The following AGL variants were observed in gnomAD, a reference collection of about 807,000 sequenced individuals.
The protein encoded by AGL is amylo-alpha-1,6-glucosidase and 4-alpha-glucanotransferase.
In AGL, 128 loss-of-function variants were observed where a neutral mutation model predicts 199.3. The observed-to-expected ratio is 0.64, with a 90% confidence interval of 0.56 to 0.74. The LOEUF is 0.74. Among genes scored for constraint, AGL ranks in the 30% least tolerant of loss-of-function variants. The probability of loss-of-function intolerance (pLI) is 0.00; values close to 1 mark genes in which losing one functional copy is unlikely to be tolerated. For synonymous variants in AGL, 584 were observed against 594.7 expected (o/e 0.98, Z 0.26); for missense variants, 1,809 against 1,820.8 (o/e 0.99, Z 0.12).
intron 20 of AGL, among the ~76,000 whole-genome samples, chr1:99,887,200 A>G (rs486408): frequency 0.68 from 103,012 of 152,078 alleles, 35,003 homozygotes; most frequent in South Asian, 0.75. Flanking sequence ...CACATAAAAT[A>G]GCAGTCATGT....
At chr1:99,907,702 G>GTTTTTTTTTTTTTTT (rs1654421426) in intron 27 of AGL, among the ~76,000 whole-genome samples, 1 of 42,794 alleles carries the variant, frequency 2.3e-5, no homozygotes. Flanking sequence ...TGTTTTTTTT[G>GTTTTTTTTTTTTTTT]CTAGTAGCCA....
intron 22 of AGL, 60 bp downstream of exon 22, chr1:99,891,416 G>C: frequency 1.9e-6 from 3 of 1,568,820 alleles, no homozygotes; most frequent in South Asian, 1.1e-5. Context: ...ATATTACCAT[G>C]TTATATATAA....
At chr1:99,885,179 A>G (rs1330535630) in intron 20 of AGL, among the ~76,000 whole-genome samples, 1 of 152,124 alleles carries the variant, frequency 6.6e-6, no homozygotes, top group Non-Finnish European at 1.5e-5. Flanking sequence ...ATCCTTAGTT[A>G]TTCCCTTTCT....
At chr1:99,895,098 G>T (rs555297324) in intron 24 of AGL, among the ~76,000 whole-genome samples, 12 of 152,044 alleles carry the variant, frequency 7.9e-5, no homozygotes, top group Non-Finnish European at 1.6e-4. Context: ...GCCCAGGCTG[G>T]AGTACAATAG....
In AGL at chr1:99,870,593, C is replaced by T; in HGVS notation, c.846+12C>T. ...ATCACCATATGAATGTCAGTATGTA[C>T]AGAGGAGTATCACACTAAAACAGAA... On this transcript the variant is annotated intron_variant, in intron 6 of 33. Coordinates refer to ENST00000361915, the MANE Select transcript of AGL (RefSeq NM_000642.3). 1 of 1,613,694 alleles carries T rather than the reference C, an allele frequency of 6.2e-7. No homozygotes were observed. Among genetic ancestry groups the T allele is most frequent in the Non-Finnish European group, 8.5e-7 (1 of 1,179,744 alleles).
intron 27 of AGL, among the ~76,000 whole-genome samples, chr1:99,906,503 T>G (rs1451503108): frequency 6.6e-6 from 1 of 152,194 alleles, no homozygotes; most frequent in African/African-American, 2.4e-5. Flanking sequence ...CAAAACAAAC[T>G]CTATACTCGT....
At chr1:99,907,693 G>GTTTTTTTTTTTTTTTTTTTTTTTT (rs71075465) in intron 27 of AGL, among the ~76,000 whole-genome samples, 10 of 118,938 alleles carry the variant, frequency 8.4e-5, no homozygotes, top group East Asian at 5.4e-4. Flanking sequence ...TTTGTTTTTT[G>GTTTTTTTTTTTTTTTTTTTTTTTT]TTTTTTTTGC....
chr1:99,903,210 A>G (rs998748808), intron 27 of AGL, among the ~76,000 whole-genome samples: 1 of 152,158 alleles, frequency 6.6e-6, no homozygotes, highest in Non-Finnish European at 1.5e-5. Flanking sequence ...ATATGTATAC[A>G]TGTGCCATGT....
At chr1:99,915,168 G>C (rs1655020186) in intron 30 of AGL, among the ~76,000 whole-genome samples, 1 of 152,182 alleles carries the variant, frequency 6.6e-6, no homozygotes, top group Non-Finnish European at 1.5e-5. Flanking sequence ...AGGTGACACA[G>C]AGAAATAATC....
rs1651379457 is a variant in AGL, at chr1:99,874,920, G to C, written c.1082+110G>C. ...AACGCTTAATAGAAAATGAAATAAA[G>C]TAATTCACTGTAATTCTACTATTTC... On this transcript the variant is annotated intron_variant, in intron 8 of 33. Transcript: ENST00000361915. 8.5e-6 allele frequency: 11 copies of C among 1,286,930 alleles called. No individual in the cohort carries two copies. The Admixed American group carries it at 2.3e-4, about 26-fold the overall frequency. The allele number at this position is 1,286,930 out of a possible 1,614,324, so 79.7% of individuals were successfully genotyped here.
Position 99,915,486 on chromosome 1 carries a change from A to T in AGL, c.4259A>T (p.Asp1420Val), listed in dbSNP as rs899684251. The T allele has an allele frequency of 1.3e-6, 2 of 1,596,266 alleles. No individual in the cohort carries two copies. Among genetic ancestry groups the T allele is most frequent in the Non-Finnish European group, 1.7e-6 (2 of 1,163,810 alleles). Residue 1420 changes from aspartate (D) to valine (V), a missense_variant and splice_region_variant, in exon 31 of 34, where the codon GAT becomes GTT. Asp to Val is a radical substitution (Grantham distance 152, BLOSUM62 -3). Coordinates refer to ENST00000361915, the MANE Select transcript of AGL (RefSeq NM_000642.3). Reference sequence around the variant, plus strand: ...CTTGGCATGAAAACTTTAGATCCAGAGTAAGTTGGAATATAAGTATTAAGA... The same window carrying T: ...CTTGGCATGAAAACTTTAGATCCAGTGTAAGTTGGAATATAAGTATTAAGA... ...GPLGMKTLDPDDMVYCGIYDN... is the reference protein window; with the variant it reads ...GPLGMKTLDPVDMVYCGIYDN...
At chr1:99,891,100 G>A in intron 21 of AGL, 120 bp from the exon 22 acceptor site, 1 of 1,227,492 alleles carries the variant, frequency 8.1e-7, no homozygotes, top group Non-Finnish European at 1.2e-6. Flanking sequence ...CCTTGTGTGT[G>A]CCTCTAATAC....
At chr1:99,867,131 A>C (rs1184856121) in intron 5 of AGL, among the ~76,000 whole-genome samples, 4 of 152,160 alleles carry the variant, frequency 2.6e-5, no homozygotes, top group Admixed American at 2.6e-4. Context: ...TTTTCTTTTA[A>C]AAAAGTATTA....
At chr1:99,881,913 A>G (rs990237898) in intron 17 of AGL, among the ~76,000 whole-genome samples, 11 of 152,044 alleles carry the variant, frequency 7.2e-5, no homozygotes, top group African/African-American at 2.7e-4. Context: ...CAGGCAGATC[A>G]CTTGAGCTCA....
chr1:99,851,107 T>G lies in AGL; in HGVS notation c.65T>G (p.Leu22Arg), dbSNP rs1213647501. The G allele has an allele frequency of 2.5e-6, 4 of 1,613,922 alleles. No homozygotes were observed. Among genetic ancestry groups the G allele is most frequent in the Middle Eastern group, 1.6e-4 (1 of 6,080 alleles). Residue 22 changes from leucine to arginine, a missense_variant, in exon 2 of 34, where the codon CTC becomes CGC. Physicochemically the swap from Leu to Arg is moderately radical, Grantham distance 102. Transcript: ENST00000361915. ...LNEMEKLEKT[L>R]FRLEQGYELQ... is the part of the protein sequence containing the mutation. The stretch of plus-strand genomic sequence containing the variant: ...GAAATGGAGAAACTGGAAAAGACCC[T>G]CTTCAGACTTGAACAAGGTCAGTAG...
chr1:99,871,378 A>G (rs567917198), intron 7 of AGL, among the ~76,000 whole-genome samples: 4 of 149,110 alleles, frequency 2.7e-5, no homozygotes, highest in East Asian at 4.1e-4. Context: ...TGAGTCTTCT[A>G]TTAAGGACAT....
rs1198593827 is a variant in AGL at position 99,922,557 on chromosome 1, T to C, written c.*906T>C. 1 of 151,824 alleles carries C rather than the reference T, an allele frequency of 6.6e-6. No individual in the cohort carries two copies. Among genetic ancestry groups the C allele is most frequent in the African/African-American group, 2.4e-5 (1 of 41,450 alleles). 9.4% of individuals were successfully genotyped at this position (151,824 alleles called of 1,614,324 possible). The stretch of plus-strand genomic sequence containing the variant: ...ATTGAGAAGAATCTTAACAAAAATA[T>C]GGATATGAATTCAGTAGATATCTTA... On this transcript the variant is annotated 3_prime_UTR_variant, in exon 34 of 34. Coordinates refer to ENST00000361915, the MANE Select transcript of AGL (RefSeq NM_000642.3).
Position 99,912,546 on chromosome 1 carries a change from C to A in AGL, c.3949+29C>A, listed in dbSNP as rs375337863. ...AGCTGGTTATTTTATTTACAAAGAACCTTCAAATGTACTATGTATATTCTC... is the reference window on the plus strand; with the variant it reads ...AGCTGGTTATTTTATTTACAAAGAAACTTCAAATGTACTATGTATATTCTC... On this transcript the variant is annotated intron_variant, in intron 29 of 33. Transcript: ENST00000361915. 23 of 1,476,932 alleles carry A rather than the reference C, an allele frequency of 1.6e-5. No individual in the cohort carries two copies. The African/African-American group carries it at 2.4e-4, about 15-fold the overall frequency. 91.5% of individuals were successfully genotyped at this position (1,476,932 alleles called of 1,614,324 possible). A position where few individuals can be genotyped will look rare whatever the true frequency, so the allele number is the denominator to read the frequency against.
At chr1:99,854,559 G>C (rs1031767260) in intron 2 of AGL, among the ~76,000 whole-genome samples, 1 of 150,534 alleles carries the variant, frequency 6.6e-6, no homozygotes, top group Admixed American at 6.6e-5. Flanking sequence ...TCAGGAGATC[G>C]AGACTATCCT....
Sources: gnomAD v4.1 joint callset for allele counts (sites outside exome capture counted in the v4.1 genomes callset) on GRCh38, gnomAD v4.1.1 for gene constraint, MANE v1.5 for transcripts, NCBI Gene and HGNC (gene_info 2026-07-23, HGNC 2026-07-21) for gene names.